The following CEP41 variants were observed in gnomAD, a reference collection of about 807,000 sequenced individuals.
CEP41 encodes centrosomal protein of 41 kDa.
CEP41 carries 32 observed loss-of-function variants against 44.3 expected under a neutral mutation model. The ratio of observed to expected loss-of-function variants is 0.72; its 90% confidence interval spans 0.54 to 0.97. The LOEUF is 0.97. Ranked by LOEUF, CEP41 falls within the 50% of genes least tolerant of loss-of-function variation. CEP41 has a pLI of 0.00. For synonymous variants in CEP41, 151 were observed against 168.5 expected, an observed-to-expected ratio of 0.90 and a Z score of 0.80; for missense variants, 432 against 455.2, an observed-to-expected ratio of 0.95 and a Z score of 0.46.
chr7:130,406,708 A>AT (rs1173941278), intron 5 of CEP41, among the ~76,000 whole-genome samples: 10 of 152,204 alleles, frequency 6.6e-5, no homozygotes, highest in Admixed American at 2.0e-4. Flanking sequence ...ACTGCAATAA[A>AT]TATGTGGTTA....
chr7:130,438,104 C>T (rs1464741580), intron 1 of CEP41, among the ~76,000 whole-genome samples: 1 of 152,178 alleles, frequency 6.6e-6, no homozygotes, highest in African/African-American at 2.4e-5. Flanking sequence ...CTTGATCTCA[C>T]TCATGGCGCC....
At chr7:130,441,136 G>T (rs1554427764), upstream of CEP41, 2 of 748,198 alleles carry the variant, frequency 2.7e-6, no homozygotes, top group Non-Finnish European at 4.7e-6. Context: ...TCTCAGGGTC[G>T]CAGAAGGGCA....
intron 1 of CEP41, 120 bp downstream of exon 1, chr7:130,440,814 C>CCA: frequency 1.2e-6 from 1 of 814,734 alleles, no homozygotes; most frequent in Non-Finnish European, 2.0e-6. Context: ...GACCCCTCCT[C>CCA]ACGCCGGCCC....
rs553605705 is a variant in CEP41 at position 130,408,943 on chromosome 7, G to A, written c.277+2179C>T. Among the ~76,000 whole-genome samples the A allele has an allele frequency of 1.2e-4, 19 of 152,232 alleles. No individual in the cohort carries two copies. The East Asian group carries it at 1.4e-3, about 11-fold the overall frequency. ...CATGGGAAAGTATGAATGAAAAAGCGATAATTGAAAACAGCACAATACAAA... is the reference window on the plus strand; with the variant it reads ...CATGGGAAAGTATGAATGAAAAAGCAATAATTGAAAACAGCACAATACAAA... On this transcript the variant is annotated intron_variant, in intron 5 of 10. Coordinates refer to ENST00000223208, the MANE Select transcript of CEP41 (RefSeq NM_018718.3).
rs563022314 is a variant in CEP41, at chr7:130,399,214, C to G, written c.974-175G>C. The G allele has an allele frequency of 6.4e-4, 473 of 736,452 alleles. 1 individual carries two copies. The highest frequency in any genetic ancestry group is 9.4e-4 in the Non-Finnish European group (414 of 442,222). 45.6% of individuals were successfully genotyped at this position (736,452 alleles called of 1,614,324 possible). On this transcript the variant is annotated intron_variant, in intron 10 of 10. Transcript: ENST00000223208. ...CCTACTCCTCATCCTTGAGATCAGC[C>G]TGAAGGTGGGGAGGGGGACAGAAAT...
In CEP41 at chr7:130,400,777, TTCA is replaced by T; in HGVS notation, c.684_686del (p.Asp228del). Reference sequence around the variant, plus strand: ...TGGTGGCCGCCTGACTGGCCAGCCTTTCATCATCGTCATACAGAATGATGATCT... The same window carrying T: ...TGGTGGCCGCCTGACTGGCCAGCCTTTCATCGTCATACAGAATGATGATCT... On this transcript the variant is annotated inframe_deletion, in exon 9 of 11. Coordinates refer to ENST00000223208, the MANE Select transcript of CEP41 (RefSeq NM_018718.3). The T allele has an allele frequency of 6.2e-7, 1 of 1,613,810 alleles. No individual in the cohort carries two copies. Among genetic ancestry groups the T allele is most frequent in the Non-Finnish European group, 8.5e-7 (1 of 1,179,876 alleles).
At chr7:130,441,062 T>TA (rs781932516), upstream of CEP41, 58 of 1,332,100 alleles carry the variant, frequency 4.4e-5, no homozygotes, top group East Asian at 1.3e-3. Context: ...CGCCTCCCTA[T>TA]ACCCTCTTCT....
chr7:130,434,312 A>T (rs897560527), intron 1 of CEP41, among the ~76,000 whole-genome samples: 1 of 152,208 alleles, frequency 6.6e-6, no homozygotes, highest in Admixed American at 6.5e-5. Context: ...CATCTCAAAA[A>T]AGCTCTTACA....
chr7:130,409,524 C>T (rs1320140062), intron 5 of CEP41, among the ~76,000 whole-genome samples: 9 of 152,296 alleles, frequency 5.9e-5, no homozygotes, highest in African/African-American at 2.2e-4. Flanking sequence ...TTCAGATTCT[C>T]TTTATCCTCC....
intron 8 of CEP41, chr7:130,401,177 C>A: frequency 3.8e-6 from 1 of 265,348 alleles, no homozygotes. Flanking sequence ...TCCACTGAAG[C>A]CTATTTATGA....
At chr7:130,414,074 C>T (rs1189805531) in intron 3 of CEP41, among the ~76,000 whole-genome samples, 2 of 152,208 alleles carry the variant, frequency 1.3e-5, no homozygotes, top group Non-Finnish European at 2.9e-5. Flanking sequence ...CCAGCACAGA[C>T]CTTAAGACTC....
At chr7:130,431,742 A>G (rs1554425110) in intron 1 of CEP41, among the ~76,000 whole-genome samples, 1 of 152,100 alleles carries the variant, frequency 6.6e-6, no homozygotes, top group African/African-American at 2.4e-5. Context: ...TCAGCAATCT[A>G]ACAGTAACTG....
chr7:130,412,674 C>G (rs1285254700), intron 3 of CEP41, among the ~76,000 whole-genome samples: 1 of 152,208 alleles, frequency 6.6e-6, no homozygotes, highest in Non-Finnish European at 1.5e-5. Flanking sequence ...CCAGCTCAAA[C>G]AGCTGGTGAG....
chr7:130,428,414 G>A (rs1797728423), intron 1 of CEP41, among the ~76,000 whole-genome samples: 2 of 109,548 alleles, frequency 1.8e-5, no homozygotes, highest in African/African-American at 7.3e-5. Flanking sequence ...GGGTGACAGA[G>A]AGAGACTCTG....
intron 6 of CEP41, among the ~76,000 whole-genome samples, chr7:130,403,870 A>G (rs1221919656): frequency 1.3e-5 from 2 of 152,208 alleles, no homozygotes; most frequent in East Asian, 3.8e-4. Context: ...AAGCTAAAAG[A>G]ATAATAATAA....
intron 3 of CEP41, among the ~76,000 whole-genome samples, chr7:130,412,606 G>C (rs1179281435): frequency 6.6e-6 from 1 of 152,218 alleles, no homozygotes; most frequent in Non-Finnish European, 1.5e-5. Flanking sequence ...GAGTAAAGCA[G>C]GGAAGAAATG....
chr7:130,434,633 A>G (rs894153522), intron 1 of CEP41, among the ~76,000 whole-genome samples: 1 of 152,218 alleles, frequency 6.6e-6, no homozygotes, highest in Admixed American at 6.5e-5. Context: ...AATAAACTGG[A>G]CATATTTATC....
At chr7:130,435,188 A>G (rs1187725540) in intron 1 of CEP41, among the ~76,000 whole-genome samples, 1 of 152,208 alleles carries the variant, frequency 6.6e-6, no homozygotes, top group Non-Finnish European at 1.5e-5. Flanking sequence ...ATGTACAGAG[A>G]AGGTTTGGAA....
intron 1 of CEP41, among the ~76,000 whole-genome samples, chr7:130,439,687 T>G (rs1798083160): frequency 6.6e-6 from 1 of 152,282 alleles, no homozygotes; most frequent in South Asian, 2.1e-4. Flanking sequence ...GCCTTACAGC[T>G]TTCTCAGCCT....
Sources: allele counts gnomAD v4.1 joint callset (sites outside exome capture counted in the v4.1 genomes callset), GRCh38; gene constraint gnomAD v4.1.1; transcripts MANE v1.5; gene names NCBI Gene and HGNC (gene_info 2026-07-23, HGNC 2026-07-21).